The following PCDH7 variants were observed in gnomAD, a reference collection of about 807,000 sequenced individuals.
The protein encoded by PCDH7 is protocadherin-7.
In PCDH7, 17 loss-of-function variants were observed where a neutral mutation model predicts 58.9. The observed-to-expected ratio is 0.29, with a 90% CI of 0.20 to 0.43. PCDH7 has a LOEUF of 0.43. PCDH7 is among the 20% of genes least tolerant of loss of function. The pLI is 1.00. For missense variants in PCDH7, 1,274 were observed against 1,441.0 expected (o/e 0.88, Z 1.88); for synonymous variants, 664 against 616.4 (o/e 1.08, Z -1.14).
intron 3 of PCDH7, among the ~76,000 whole-genome samples, chr4:30,996,391 T>G (rs1418465089): frequency 3.9e-5 from 6 of 152,220 alleles, no homozygotes; most frequent in Non-Finnish European, 7.3e-5. Flanking sequence ...AAAGAAAGGA[T>G]AGTGATTCCA....
rs976959577 is a variant in PCDH7 at position 30,885,913 on chromosome 4, G to A, written c.71-34240G>A. Among the ~76,000 whole-genome samples, 278 of 152,184 alleles carry A rather than the reference G, an allele frequency of 1.8e-3. 6 individuals carry two copies. The highest frequency in any genetic ancestry group is 0.017 in the Admixed American group (261 of 15,268). Reference sequence around the variant, plus strand: ...ATAAGTGGTGCTGGGAAAACTGGCTGGCCATATGTAGAAAGCTGAAACTGG... The same window carrying A: ...ATAAGTGGTGCTGGGAAAACTGGCTAGCCATATGTAGAAAGCTGAAACTGG... On this transcript the variant is annotated intron_variant, in intron 1 of 3. Transcript: ENST00000509759.
intron 3 of PCDH7, among the ~76,000 whole-genome samples, chr4:31,104,995 T>A (rs887092551): frequency 2.4e-4 from 37 of 152,338 alleles, no homozygotes; most frequent in African/African-American, 8.2e-4. Flanking sequence ...AATTGGTATG[T>A]GATATTTCAA....
intron 1 of PCDH7, among the ~76,000 whole-genome samples, chr4:30,728,605 G>T (rs1714995257): frequency 1.3e-5 from 2 of 151,584 alleles, no homozygotes; most frequent in African/African-American, 4.8e-5. Context: ...TAAGGAAAAG[G>T]TCATCCATTG....
At chr4:31,108,263 C>A (rs1244507491) in intron 3 of PCDH7, among the ~76,000 whole-genome samples, 2 of 149,900 alleles carry the variant, frequency 1.3e-5, no homozygotes, top group Non-Finnish European at 1.5e-5. Flanking sequence ...TAATAAAGAC[C>A]ACTGAAAAAG....
chr4:31,108,760 G>A (rs1273906087), intron 3 of PCDH7, among the ~76,000 whole-genome samples: 1 of 151,858 alleles, frequency 6.6e-6, no homozygotes, highest in Admixed American at 6.6e-5. Flanking sequence ...ACTACACATT[G>A]AGCATTATAT....
chr4:30,835,836 G>A (rs1730423919), intron 1 of PCDH7, among the ~76,000 whole-genome samples: 1 of 152,176 alleles, frequency 6.6e-6, no homozygotes, highest in Non-Finnish European at 1.5e-5. Context: ...AAAATGGGAG[G>A]AGGAGGAGGG....
chr4:30,958,799 T>G (rs1218764566), intron 3 of PCDH7, among the ~76,000 whole-genome samples: 3 of 151,994 alleles, frequency 2.0e-5, no homozygotes, highest in Non-Finnish European at 4.4e-5. Context: ...ATTGAAATAG[T>G]GACCAGAAAA....
chr4:31,077,186 A>C (rs890571062), intron 3 of PCDH7, among the ~76,000 whole-genome samples: 4 of 152,068 alleles, frequency 2.6e-5, no homozygotes, highest in Admixed American at 1.3e-4. Context: ...CGAGGCGAGC[A>C]GATCACCTGA....
intron 3 of PCDH7, among the ~76,000 whole-genome samples, chr4:31,119,628 A>C (rs1433036026): frequency 1.3e-5 from 2 of 152,082 alleles, no homozygotes; most frequent in African/African-American, 2.4e-5. Context: ...CAAATGCTGG[A>C]GTTCGACCTT....
rs1188373546 is a variant in PCDH7 at position 30,864,524 on chromosome 4, AT to A, written c.71-55622del. ...CTACCAGTGAAAATAGTGAAGTTTAATTTTTTTGTTGTTCCTAAAATGGTAG... is the reference window on the plus strand; with the variant it reads ...CTACCAGTGAAAATAGTGAAGTTTAATTTTTTGTTGTTCCTAAAATGGTAG... On this transcript the variant is annotated intron_variant, in intron 1 of 3. Transcript: ENST00000509759. Among the ~76,000 whole-genome samples, 4 of 151,350 alleles carry A rather than the reference AT, an allele frequency of 2.6e-5. No individual in the cohort carries two copies. The Admixed American group carries it at 2.6e-4, about 10-fold the overall frequency.
At chr4:30,888,964 T>C (rs1738218801) in intron 1 of PCDH7, among the ~76,000 whole-genome samples, 1 of 151,888 alleles carries the variant, frequency 6.6e-6, no homozygotes, top group Non-Finnish European at 1.5e-5. Context: ...GAAGATTGCT[T>C]GAGTCCAGGA....
intron 1 of PCDH7, among the ~76,000 whole-genome samples, chr4:30,823,374 A>T (rs564306537): frequency 6.6e-6 from 1 of 152,176 alleles, no homozygotes; most frequent in Non-Finnish European, 1.5e-5. Flanking sequence ...CAAGGCAAGC[A>T]TGTCGTCACC....
chr4:30,806,718 A>G (rs1726265801), intron 1 of PCDH7, among the ~76,000 whole-genome samples: 1 of 151,552 alleles, frequency 6.6e-6, no homozygotes, highest in African/African-American at 2.4e-5. Flanking sequence ...TTCAAATTCC[A>G]TGTCTTGACA....
chr4:30,973,367 T>C (rs183138394), intron 3 of PCDH7, among the ~76,000 whole-genome samples: 2 of 152,160 alleles, frequency 1.3e-5, no homozygotes, highest in Admixed American at 6.6e-5. Context: ...TGAGTTTACA[T>C]AGATGTTTTA....
intron 3 of PCDH7, among the ~76,000 whole-genome samples, chr4:30,998,730 G>C (rs1390473759): frequency 3.3e-5 from 5 of 152,082 alleles, no homozygotes; most frequent in Admixed American, 6.6e-5. Context: ...TTGAAGAATT[G>C]ATAGGATTTG....
At chr4:31,122,457 C>CATTGCA (rs1717806949) in intron 3 of PCDH7, among the ~76,000 whole-genome samples, 2 of 152,112 alleles carry the variant, frequency 1.3e-5, no homozygotes, top group Non-Finnish European at 2.9e-5. Context: ...TGCTTTTGCA[C>CATTGCA]TTAAGCTGTG....
rs751193862 is a variant in PCDH7, at chr4:30,721,443, G to A, written c.21G>A (p.Ala7=). Reference sequence around the variant, plus strand: ...AGAAGATGCTGAGGATGCGGACCGCGGGATGGGCGCGCGGCTGGTGCTTGG... The same window carrying A: ...AGAAGATGCTGAGGATGCGGACCGCAGGATGGGCGCGCGGCTGGTGCTTGG... The change falls in exon 1 of 2, where the codon GCG becomes GCA. Residue 7 remains alanine (A), a synonymous_variant. Transcript: ENST00000361762. The surrounding 1 kb of genome is among the most constrained non-coding windows in gnomAD (Gnocchi z 6.7). The A allele has an allele frequency of 6.5e-7, 1 of 1,533,948 alleles. No homozygotes were observed. Among genetic ancestry groups the A allele is most frequent in the Non-Finnish European group, 8.7e-7 (1 of 1,143,976 alleles).
At chr4:31,091,095 A>T (rs1713189512) in intron 3 of PCDH7, among the ~76,000 whole-genome samples, 1 of 151,948 alleles carries the variant, frequency 6.6e-6, no homozygotes, top group African/African-American at 2.4e-5. Flanking sequence ...TTCTCCAAAA[A>T]CTTTTCTGGA....
At chr4:30,995,336 C>T (rs1751792865) in intron 3 of PCDH7, among the ~76,000 whole-genome samples, 1 of 151,898 alleles carries the variant, frequency 6.6e-6, no homozygotes, top group African/African-American at 2.4e-5. Flanking sequence ...CACGGTGAAA[C>T]CCTGTCTCTA....
Sources: allele counts gnomAD v4.1 joint callset (sites outside exome capture counted in the v4.1 genomes callset), GRCh38; gene constraint gnomAD v4.1.1; non-coding constraint Gnocchi (gnomAD v3.1); transcripts MANE v1.5; gene names NCBI Gene and HGNC (gene_info 2026-07-23, HGNC 2026-07-21).